RBFOX1: variants seen among roughly 807,000 people sequenced by gnomAD.
The protein encoded by RBFOX1 is RNA binding protein fox-1 homolog 1.
Under a neutral mutation model 57.7 loss-of-function variants are expected in RBFOX1, and 8 were observed. The ratio of observed to expected loss-of-function variants is 0.14; its 90% CI spans 0.08 to 0.25. The LOEUF (loss-of-function observed/expected upper bound fraction) is 0.25, where lower values mean the gene tolerates loss of function less well. Among genes scored for constraint, RBFOX1 ranks in the 10% least tolerant of loss-of-function variants. The probability of loss-of-function intolerance (pLI) is 1.00; values close to 1 mark genes in which losing one functional copy is unlikely to be tolerated. For missense variants in RBFOX1, 611 were observed against 548.5 expected, an observed-to-expected ratio of 1.11 and a Z score of -1.14; for synonymous variants, 326 against 222.4, an observed-to-expected ratio of 1.47 and a Z score of -4.15.
rs78928097 is a variant in RBFOX1 at position 7,442,438 on chromosome 16, C to G, written c.28-75709C>G. Among the ~76,000 whole-genome samples, 753 of 152,246 alleles carry G rather than the reference C, an allele frequency of 4.9e-3. 6 individuals are homozygous for G. Among genetic ancestry groups the G allele is most frequent in the African/African-American group, 0.017 (716 of 41,550 alleles). On this transcript the variant is annotated intron_variant, in intron 4 of 15. Transcript: ENST00000550418. The stretch of plus-strand genomic sequence containing the variant: ...GCAACTCTGTGAACAGACCTGCATG[C>G]TGTACAAAATTATTAGAAGCCCTGT...
chr16:6,978,356 A>C (rs926991026), intron 3 of RBFOX1, among the ~76,000 whole-genome samples: 2 of 152,196 alleles, frequency 1.3e-5, no homozygotes, highest in Admixed American at 6.5e-5. Flanking sequence ...GGTCTTTATA[A>C]TTAGATCTAA....
intron 4 of RBFOX1, among the ~76,000 whole-genome samples, chr16:5,868,011 C>T (rs1171854774): frequency 6.6e-6 from 1 of 151,614 alleles, no homozygotes; most frequent in Admixed American, 6.6e-5. Context: ...CATGCCCAGC[C>T]TGTTTTTCTT....
At chr16:7,551,077 A>C (rs1044571400) in intron 5 of RBFOX1, among the ~76,000 whole-genome samples, 16 of 145,928 alleles carry the variant, frequency 1.1e-4, no homozygotes, top group African/African-American at 2.5e-4. Context: ...CTGGGCAACA[A>C]GAGCGAGACT....
At chr16:6,361,869 A>G (rs895262029) in intron 2 of RBFOX1, among the ~76,000 whole-genome samples, 1 of 151,946 alleles carries the variant, frequency 6.6e-6, no homozygotes, top group Non-Finnish European at 1.5e-5. Context: ...GATCAAAAGA[A>G]CCTTTCATTT....
At chr16:7,416,323 A>T (rs1384638081) in intron 4 of RBFOX1, among the ~76,000 whole-genome samples, 1 of 152,186 alleles carries the variant, frequency 6.6e-6, no homozygotes, top group Non-Finnish European at 1.5e-5. Context: ...GGACAAGTCA[A>T]AGCTTTCTGT....
intron 1 of RBFOX1, among the ~76,000 whole-genome samples, chr16:6,243,339 G>C (rs961371209): frequency 7.9e-5 from 12 of 152,208 alleles, no homozygotes; most frequent in Non-Finnish European, 1.5e-4. Context: ...AAAGTATTTT[G>C]ATTCTTTAAA....
At chr16:6,090,879 A>G (rs1252579089) in intron 1 of RBFOX1, among the ~76,000 whole-genome samples, 2 of 152,240 alleles carry the variant, frequency 1.3e-5, no homozygotes, top group East Asian at 1.9e-4. Context: ...TCACTACATT[A>G]TCCTGCTTCT....
At chr16:5,835,920 C>T (rs777810227) in intron 3 of RBFOX1, among the ~76,000 whole-genome samples, 2 of 152,098 alleles carry the variant, frequency 1.3e-5, no homozygotes, top group Non-Finnish European at 2.9e-5. Context: ...TCCTTGCACC[C>T]GCCGCCCATG....
At chr16:5,306,079 G>C (rs532363903) in intron 1 of RBFOX1, among the ~76,000 whole-genome samples, 68 of 127,290 alleles carry the variant, frequency 5.3e-4, no homozygotes, top group African/African-American at 1.6e-3. Flanking sequence ...AGTGCACTGG[G>C]AGTCCCAGCT....
chr16:6,080,873 A>G (rs961991619), intron 1 of RBFOX1, among the ~76,000 whole-genome samples: 6 of 152,182 alleles, frequency 3.9e-5, no homozygotes, highest in Admixed American at 6.5e-5. Flanking sequence ...TTTCCTGTTT[A>G]ATATCAATCT....
intron 2 of RBFOX1, among the ~76,000 whole-genome samples, chr16:6,530,716 A>T (rs914107961): frequency 2.3e-4 from 34 of 150,014 alleles, no homozygotes; most frequent in African/African-American, 7.8e-4. Context: ...GAAGAGAGAG[A>T]GCTTCTGCAG....
At chr16:7,617,387 A>G (rs1304374988) in intron 10 of RBFOX1, among the ~76,000 whole-genome samples, 3 of 152,158 alleles carry the variant, frequency 2.0e-5, no homozygotes, top group Non-Finnish European at 4.4e-5. Context: ...TTTTTCAAAC[A>G]TCCAAAAACG....
intron 3 of RBFOX1, among the ~76,000 whole-genome samples, chr16:6,737,497 A>G (rs951610878): frequency 7.9e-5 from 12 of 152,234 alleles, no homozygotes; most frequent in African/African-American, 2.9e-4. Flanking sequence ...GATGGCCAAA[A>G]CAGCTACTAC....
At chr16:5,735,373 G>A (rs1289014648) in intron 3 of RBFOX1, among the ~76,000 whole-genome samples, 2 of 152,176 alleles carry the variant, frequency 1.3e-5, no homozygotes, top group African/African-American at 2.4e-5. Context: ...AATCACATCT[G>A]AATTCCGTCC....
At chr16:6,544,449 T>C (rs4786105) in intron 2 of RBFOX1, among the ~76,000 whole-genome samples, 25,396 of 152,188 alleles carry the variant, frequency 0.17, 2,382 homozygotes, top group East Asian at 0.38. Context: ...TGAACGGATG[T>C]TCTGGGAGGC....
intron 3 of RBFOX1, among the ~76,000 whole-genome samples, chr16:5,746,511 T>C (rs966724664): frequency 2.6e-5 from 4 of 152,194 alleles, no homozygotes; most frequent in African/African-American, 4.8e-5. Flanking sequence ...TGGCATTGAA[T>C]CTATAAATTA....
intron 4 of RBFOX1, among the ~76,000 whole-genome samples, chr16:5,962,546 A>G (rs1408336408): frequency 6.6e-6 from 1 of 151,928 alleles, no homozygotes; most frequent in Non-Finnish European, 1.5e-5. Context: ...CCTTTGTCTC[A>G]TTGGGTCTAA....
intron 3 of RBFOX1, among the ~76,000 whole-genome samples, chr16:6,902,289 C>T (rs562414443): frequency 1.6e-4 from 25 of 152,092 alleles, no homozygotes; most frequent in Non-Finnish European, 2.6e-4. Flanking sequence ...GTGTTCCTTA[C>T]AACTGAAATG....
chr16:5,515,055 C>A (rs76243464), intron 2 of RBFOX1, among the ~76,000 whole-genome samples: 5 of 152,104 alleles, frequency 3.3e-5, no homozygotes, highest in African/African-American at 1.2e-4. Context: ...CTTTAACAAC[C>A]AACTCTCTAA....
Sources: allele counts gnomAD v4.1 joint callset (sites outside exome capture counted in the v4.1 genomes callset), GRCh38; gene constraint gnomAD v4.1.1; transcripts MANE v1.5; gene names NCBI Gene and HGNC (gene_info 2026-07-23, HGNC 2026-07-21).